The following ANKS1B variants were observed in gnomAD, a reference collection of about 807,000 sequenced individuals.
The protein encoded by ANKS1B is ankyrin repeat and sterile alpha motif domain-containing protein 1B.
ANKS1B carries 36 observed loss-of-function variants against 148.3 expected under a neutral mutation model. The observed-to-expected ratio is 0.24, with a 90% CI of 0.19 to 0.32. The LOEUF (loss-of-function observed/expected upper bound fraction) is 0.32, where lower values mean the gene tolerates loss of function less well. Among genes scored for constraint, ANKS1B ranks in the 10% least tolerant of loss-of-function variants. The pLI is 1.00. For missense variants in ANKS1B, 1,157 were observed against 1,542.6 expected, an observed-to-expected ratio of 0.75 and a Z score of 4.19; for synonymous variants, 542 against 560.8, an observed-to-expected ratio of 0.97 and a Z score of 0.47.
At chr12:98,833,386 A>G (rs79091816) in intron 17 of ANKS1B, among the ~76,000 whole-genome samples, 12,401 of 152,232 alleles carry the variant, frequency 0.081, 1,144 homozygotes, top group African/African-American at 0.23. Context: ...TCTTAAAAAC[A>G]CATTGTATAT....
chr12:99,112,397 C>A (rs938981670), intron 15 of ANKS1B, among the ~76,000 whole-genome samples: 8 of 151,756 alleles, frequency 5.3e-5, no homozygotes, highest in Admixed American at 6.6e-5. Flanking sequence ...TCTCCCATTA[C>A]ACCTTCCTTT....
intron 9 of ANKS1B, among the ~76,000 whole-genome samples, chr12:99,565,185 G>A (rs996516261): frequency 3.9e-5 from 6 of 152,138 alleles, no homozygotes; most frequent in African/African-American, 1.4e-4. Flanking sequence ...TAAATATTTA[G>A]TAAGCTGTTA....
intron 4 of ANKS1B, among the ~76,000 whole-genome samples, chr12:99,792,893 A>G (rs1228594152): frequency 1.3e-5 from 2 of 152,028 alleles, no homozygotes; most frequent in African/African-American, 4.8e-5. Context: ...ATTGGAAAGG[A>G]AGAAGTCAAA....
At chr12:99,478,205 C>T (rs373588360) in intron 10 of ANKS1B, among the ~76,000 whole-genome samples, 33 of 152,180 alleles carry the variant, frequency 2.2e-4, no homozygotes, top group East Asian at 1.4e-3. Context: ...CTTTCATAGG[C>T]CCCTCCCAAG....
intron 11 of ANKS1B, 61 bp downstream of exon 11, chr12:99,443,612 A>G: frequency 6.4e-7 from 1 of 1,555,494 alleles, no homozygotes; most frequent in Non-Finnish European, 8.8e-7. Flanking sequence ...TAAGTGATGT[A>G]CATGCATTGA....
In ANKS1B at chr12:98,855,541, T is replaced by C. The variant is rs916520253; in HGVS notation, c.2779-23405A>G. Among the ~76,000 whole-genome samples, 28 of 152,256 alleles carry C rather than the reference T, an allele frequency of 1.8e-4. 1 individual carries two copies. The highest frequency in any genetic ancestry group is 1.7e-3 in the Admixed American group (26 of 15,288). On this transcript the variant is annotated intron_variant, in intron 17 of 26. Transcript: ENST00000683438. ...CTTCTGGTTCTTCACCAGAACTATATGGAGTACCTGGAATACAGTAGGTAC... is the reference window on the plus strand; with the variant it reads ...CTTCTGGTTCTTCACCAGAACTATACGGAGTACCTGGAATACAGTAGGTAC...
chr12:98,839,553 C>T (rs909147355), intron 17 of ANKS1B, among the ~76,000 whole-genome samples: 16 of 152,136 alleles, frequency 1.1e-4, no homozygotes, highest in African/African-American at 3.9e-4. Context: ...GGTATTATTT[C>T]TCTTTTAAGT....
rs898090526 is a variant in ANKS1B at position 99,825,518 on chromosome 12, T to C, written c.135-129A>G. On this transcript the variant is annotated intron_variant, in intron 1 of 26. Transcript: ENST00000683438. ...AAAATTTTAGCCATGTGGAAAATGA[T>C]TGCCATCTTCTATGAATTCCCCTCA... 7 of 628,628 alleles carry C rather than the reference T, an allele frequency of 1.1e-5. No homozygotes were observed. In the South Asian group the frequency reaches 1.2e-4, roughly 10 times the overall value. The allele number at this position is 628,628 out of a possible 1,614,324, so 38.9% of individuals were successfully genotyped here.
At chr12:99,148,082 C>T (rs143548222) in intron 15 of ANKS1B, among the ~76,000 whole-genome samples, 1,567 of 152,114 alleles carry the variant, frequency 0.01, 8 homozygotes, top group Non-Finnish European at 0.017. Flanking sequence ...AGAGATTTGT[C>T]TTTTTAAAGA....
intron 12 of ANKS1B, among the ~76,000 whole-genome samples, chr12:99,342,058 T>C (rs2090003578): frequency 6.6e-6 from 1 of 152,094 alleles, no homozygotes; most frequent in Non-Finnish European, 1.5e-5. Context: ...ACCTACTATG[T>C]GCCAGTACTC....
At chr12:99,904,342 C>A (rs992040099) in intron 1 of ANKS1B, among the ~76,000 whole-genome samples, 1 of 152,006 alleles carries the variant, frequency 6.6e-6, no homozygotes, top group Non-Finnish European at 1.5e-5. Flanking sequence ...CAGGCATGTG[C>A]CACCATGCCT....
intron 12 of ANKS1B, among the ~76,000 whole-genome samples, chr12:99,326,624 ATGTC>A (rs1213347986): frequency 2.0e-5 from 3 of 152,050 alleles, no homozygotes; most frequent in East Asian, 3.9e-4. Flanking sequence ...GATGAACTAA[ATGTC>A]TGATATTGTT....
intron 4 of ANKS1B, among the ~76,000 whole-genome samples, chr12:99,784,377 T>G (rs1442069414): frequency 1.3e-5 from 2 of 152,152 alleles, no homozygotes; most frequent in Non-Finnish European, 2.9e-5. Context: ...TTTCATCATG[T>G]TAGCCAGGAT....
At chr12:99,540,215 G>T (rs1456873463) in intron 9 of ANKS1B, among the ~76,000 whole-genome samples, 1 of 152,042 alleles carries the variant, frequency 6.6e-6, no homozygotes, top group African/African-American at 2.4e-5. Context: ...AATAATAGTT[G>T]GAGACTTCAA....
chr12:98,909,212 G>C (rs1469835619), intron 17 of ANKS1B, among the ~76,000 whole-genome samples: 1 of 152,086 alleles, frequency 6.6e-6, no homozygotes, highest in Non-Finnish European at 1.5e-5. Flanking sequence ...ATTCTGTTTG[G>C]TTTCTATTCT....
At chr12:99,385,682 T>C (rs2093830889) in intron 12 of ANKS1B, among the ~76,000 whole-genome samples, 1 of 152,178 alleles carries the variant, frequency 6.6e-6, no homozygotes, top group African/African-American at 2.4e-5. Context: ...AATGTTCCCC[T>C]GTTCTAGAAA....
intron 12 of ANKS1B, among the ~76,000 whole-genome samples, chr12:99,249,042 T>C (rs1315228823): frequency 6.6e-6 from 1 of 152,208 alleles, no homozygotes; most frequent in African/African-American, 2.4e-5. Flanking sequence ...GCATTTTTTT[T>C]CTTAGGCTAC....
chr12:99,497,238 T>C (rs913205361), intron 10 of ANKS1B, among the ~76,000 whole-genome samples: 4 of 152,246 alleles, frequency 2.6e-5, no homozygotes, highest in Admixed American at 6.5e-5. Context: ...ATAGTTGTTA[T>C]ACAGTATTTT....
chr12:99,657,220 A>G (rs955387224), intron 8 of ANKS1B, among the ~76,000 whole-genome samples: 2 of 152,154 alleles, frequency 1.3e-5, no homozygotes, highest in South Asian at 4.1e-4. Flanking sequence ...TAAGGGACAG[A>G]GAGGCCAAGT....
Sources: allele counts gnomAD v4.1 joint callset (sites outside exome capture counted in the v4.1 genomes callset), GRCh38; gene constraint gnomAD v4.1.1; transcripts MANE v1.5; gene names NCBI Gene and HGNC (gene_info 2026-07-23, HGNC 2026-07-21).